STATH: variants seen among roughly 807,000 people sequenced by gnomAD.
STATH encodes statherin.
STATH carries 11 observed loss-of-function variants against 13.3 expected under a neutral mutation model. That is an observed-to-expected ratio of 0.83 (90% CI 0.52 to 1.37). The LOEUF (loss-of-function observed/expected upper bound fraction) is 1.37, where lower values mean the gene tolerates loss of function less well. Ranked by LOEUF, STATH falls within the 40% of genes most tolerant of loss-of-function variation. STATH has a pLI of 0.00. For synonymous variants in STATH, 25 were observed against 23.6 expected, an observed-to-expected ratio of 1.06 and a Z score of -0.17; for missense variants, 78 against 73.3, an observed-to-expected ratio of 1.06 and a Z score of -0.24.
chr4:70,000,636 C>T, intron 4 of STATH: 1 of 454,352 alleles, frequency 2.2e-6, no homozygotes, highest in Admixed American at 3.5e-5. Flanking sequence ...TGAAATAAAA[C>T]CACAAAACTG....
chr4:70,001,255 A>G (rs916667685), intron 5 of STATH, among the ~76,000 whole-genome samples: 1 of 151,732 alleles, frequency 6.6e-6, no homozygotes, highest in Non-Finnish European at 1.5e-5. Context: ...ACTACTCCTA[A>G]TGCTCCTGAA....
intron 1 of STATH, among the ~76,000 whole-genome samples, chr4:69,997,955 A>G (rs1724553780): frequency 6.6e-6 from 1 of 152,122 alleles, no homozygotes; most frequent in Non-Finnish European, 1.5e-5. Flanking sequence ...AAGGCGCCCC[A>G]TAATATCCAG....
chr4:70,000,813 T>C, intron 4 of STATH, 50 bp from the exon 5 acceptor site: 1 of 1,389,836 alleles, frequency 7.2e-7, no homozygotes, highest in South Asian at 1.2e-5. Context: ...ACGCTTGCAC[T>C]GTCATTATCT....
In STATH at chr4:69,999,751, A is replaced by T. The variant is rs142984801; in HGVS notation, c.73-29A>T. 4.4e-4 allele frequency: 707 copies of T among 1,611,736 alleles called. 6 individuals are homozygous for T. In the African/African-American group the frequency reaches 8.3e-3, roughly 19 times the overall value. On this transcript the variant is annotated intron_variant, in intron 3 of 5. Coordinates refer to ENST00000246895, the MANE Select transcript of STATH (RefSeq NM_003154.3). ...TTTGTCCTCCCTACATTTGTATTGA[A>T]TTATTAAACTTTTCTTCATTTTTCA...
intron 2 of STATH, 54 bp from the exon 3 acceptor site, chr4:69,999,613 T>C: frequency 6.4e-7 from 1 of 1,571,634 alleles, no homozygotes; most frequent in South Asian, 1.1e-5. Context: ...TTGTACTCAA[T>C]CTGGAATTAT....
At chr4:70,000,531 C>A (rs1724627897) in intron 4 of STATH, among the ~76,000 whole-genome samples, 1 of 151,714 alleles carries the variant, frequency 6.6e-6, no homozygotes, top group Non-Finnish European at 1.5e-5. Context: ...TCCCATAATA[C>A]TCAAAGGTGG....
intron 1 of STATH, among the ~76,000 whole-genome samples, chr4:69,997,160 G>T (rs980665223): frequency 3.3e-5 from 5 of 151,716 alleles, no homozygotes; most frequent in Middle Eastern, 3.2e-3. Context: ...TGGTCAGGCT[G>T]GTCTTGAACT....
intron 2 of STATH, 183 bp downstream of exon 2, chr4:69,998,671 T>G: frequency 2.3e-6 from 1 of 435,278 alleles, no homozygotes; most frequent in Non-Finnish European, 4.1e-6. Context: ...GAATAAATAG[T>G]CATTATTCAT....
intron 1 of STATH, 65 bp from the exon 2 acceptor site, chr4:69,998,358 C>A: frequency 8.1e-7 from 1 of 1,235,192 alleles, no homozygotes; most frequent in Non-Finnish European, 1.2e-6. Flanking sequence ...GTAGTATAAT[C>A]AATAAACTTT....
At chr4:69,996,254 G>A (rs1381218572) in intron 1 of STATH, among the ~76,000 whole-genome samples, 1 of 152,036 alleles carries the variant, frequency 6.6e-6, no homozygotes, top group African/African-American at 2.4e-5. Context: ...GTGGAATATG[G>A]AGACATATTC....
rs557328311 is a variant in STATH at position 70,000,924 on chromosome 4, C to A, written c.164C>A (p.Pro55Gln). The change falls in exon 5 of 6, where the codon CCA (proline) becomes CAA (glutamine). Residue 55 changes from proline (P) to glutamine (Q), a missense_variant. Coordinates refer to ENST00000246895, the MANE Select transcript of STATH (RefSeq NM_003154.3). Reference protein sequence around the residue: ...EQPLYPQPYQPQYQQYTF With the variant: ...EQPLYPQPYQQQYQQYTF ...CCACTATACCCACAACCATACCAAC[C>A]ACAATACCAACAATATACCTTTTAA... 6.2e-6 allele frequency: 10 copies of A among 1,612,056 alleles called. No homozygotes were observed. In the African/African-American group the frequency reaches 1.1e-4, roughly 17 times the overall value.
At chr4:70,000,578 A>G (rs1372992244) in intron 4 of STATH, among the ~76,000 whole-genome samples, 1 of 151,834 alleles carries the variant, frequency 6.6e-6, no homozygotes, top group East Asian at 1.9e-4. Flanking sequence ...TTTGAAGAAA[A>G]TTTAAAACCT....
chr4:69,998,604 A>C, intron 2 of STATH, 116 bp downstream of exon 2: 1 of 851,330 alleles, frequency 1.2e-6, no homozygotes. Flanking sequence ...TATATGTTTA[A>C]ATGTTTCCAT....
In STATH at chr4:69,996,017, G is replaced by A. The variant is rs573608673; in HGVS notation, c.-24G>A. 1 of 152,186 alleles carries A rather than the reference G, an allele frequency of 6.6e-6. No individual in the cohort carries two copies. Among genetic ancestry groups the A allele is most frequent in the East Asian group, 1.9e-4 (1 of 5,190 alleles). The allele number at this position is 152,186 out of a possible 1,614,324, so 9.4% of individuals were successfully genotyped here. A position where few individuals can be genotyped will look rare whatever the true frequency, so the allele number is the denominator to read the frequency against. On this transcript the variant is annotated 5_prime_UTR_variant, in exon 1 of 6. Transcript: ENST00000246895. The stretch of plus-strand genomic sequence containing the variant: ...TTCACTACTTCTGTAGTCTCATCTT[G>A]AGTAAAAGGTAATATGTTCATGTAT...
At chr4:70,001,430 G>A (rs1402945668) in intron 5 of STATH, among the ~76,000 whole-genome samples, 1 of 151,790 alleles carries the variant, frequency 6.6e-6, no homozygotes, top group African/African-American at 2.4e-5. Context: ...CCTAGGTGTT[G>A]CTTAAAGTTT....
intron 1 of STATH, among the ~76,000 whole-genome samples, chr4:69,996,590 C>A (rs144227336): frequency 6.6e-6 from 1 of 151,924 alleles, no homozygotes; most frequent in African/African-American, 2.4e-5. Context: ...AAGTTGTTTT[C>A]ATTCAGTTGT....
At chr4:69,997,536 ATGTCT>A (rs1724542087) in intron 1 of STATH, among the ~76,000 whole-genome samples, 1 of 152,164 alleles carries the variant, frequency 6.6e-6, no homozygotes, top group South Asian at 2.1e-4. Flanking sequence ...TTCACTGAAA[ATGTCT>A]TTATTTAGAT....
In STATH at chr4:69,999,825, T is replaced by G. The variant is rs368038102; in HGVS notation, c.102+16T>G. 1 of 1,611,348 alleles carries G rather than the reference T, an allele frequency of 6.2e-7. No individual in the cohort carries two copies. Among genetic ancestry groups the G allele is most frequent in the Non-Finnish European group, 8.5e-7 (1 of 1,178,540 alleles). ...AAGATTCGGTGTAAGTGTTCTCTGA[T>G]AATGCTGTGTAGTCCAAATAAATTG... On this transcript the variant is annotated intron_variant, in intron 4 of 5. Coordinates refer to ENST00000246895, the MANE Select transcript of STATH (RefSeq NM_003154.3).
At chr4:69,997,950 G>A (rs180711343) in intron 1 of STATH, among the ~76,000 whole-genome samples, 13 of 152,002 alleles carry the variant, frequency 8.6e-5, no homozygotes, top group Admixed American at 6.6e-4. Context: ...TATTTAAGGC[G>A]CCCCATAATA....
Sources: gnomAD v4.1 joint callset for allele counts (sites outside exome capture counted in the v4.1 genomes callset) on GRCh38, gnomAD v4.1.1 for gene constraint, MANE v1.5 for transcripts, NCBI Gene and HGNC (gene_info 2026-07-23, HGNC 2026-07-21) for gene names.